Variants in CDYL observed in about 807,000 individuals in gnomAD.
CDYL encodes chromodomain Y like, also known as chromodomain Y-like protein.
Under a neutral mutation model 47.3 loss-of-function variants are expected in CDYL, and 8 were observed. That is an observed-to-expected ratio of 0.17 (90% confidence interval 0.10 to 0.31). The LOEUF (loss-of-function observed/expected upper bound fraction) is 0.31, where lower values mean the gene tolerates loss of function less well. Ranked by LOEUF, CDYL falls within the 10% of genes least tolerant of loss-of-function variation. CDYL has a pLI of 1.00. For missense variants in CDYL, 471 were observed against 701.4 expected, an observed-to-expected ratio of 0.67 and a Z score of 3.71; for synonymous variants, 266 against 265.0, an observed-to-expected ratio of 1.00 and a Z score of -0.04.
intron 2 of CDYL, among the ~76,000 whole-genome samples, chr6:4,915,124 C>T (rs1432986308): frequency 6.6e-6 from 1 of 152,212 alleles, no homozygotes; most frequent in East Asian, 1.9e-4. Context: ...CAGCAGATGC[C>T]CCACTGTTTA....
At chr6:4,729,677 G>A (rs1757571543) in intron 2 of CDYL, among the ~76,000 whole-genome samples, 1 of 152,214 alleles carries the variant, frequency 6.6e-6, no homozygotes, top group Non-Finnish European at 1.5e-5. Context: ...CAGCACTTTG[G>A]GAGGCCAAGG....
intron 2 of CDYL, among the ~76,000 whole-genome samples, chr6:4,920,317 A>G (rs892448716): frequency 2.0e-5 from 3 of 152,208 alleles, no homozygotes; most frequent in Non-Finnish European, 4.4e-5. Context: ...GGTAAATTGT[A>G]TGCTCTGTGC....
intron 2 of CDYL, among the ~76,000 whole-genome samples, chr6:4,929,609 C>T (rs1054603941): frequency 6.6e-5 from 10 of 151,876 alleles, no homozygotes; most frequent in South Asian, 2.1e-4. Flanking sequence ...TCAGGTTCAT[C>T]GTTTTTTCTG....
At chr6:4,827,442 A>G (rs1760010337) in intron 1 of CDYL, among the ~76,000 whole-genome samples, 1 of 151,906 alleles carries the variant, frequency 6.6e-6, no homozygotes, top group Non-Finnish European at 1.5e-5. Flanking sequence ...TTTCCTTTTG[A>G]ATATATAGCT....
intron 2 of CDYL, among the ~76,000 whole-genome samples, chr6:4,932,058 G>A (rs182047682): frequency 7.2e-5 from 11 of 152,302 alleles, no homozygotes; most frequent in African/African-American, 9.6e-5. Context: ...TGACCTTTAC[G>A]TAGAGAAAGG....
chr6:4,715,965 C>T (rs1757250170), intron 2 of CDYL: 8 of 1,534,098 alleles, frequency 5.2e-6, no homozygotes, highest in South Asian at 1.2e-5. Context: ...AATGATTTTA[C>T]TGGCCGGGCA....
chr6:4,749,133 G>A (rs539708119), intron 3 of CDYL, among the ~76,000 whole-genome samples: 1 of 152,280 alleles, frequency 6.6e-6, no homozygotes, highest in South Asian at 2.1e-4. Flanking sequence ...CTCAAAAACT[G>A]GGGGGAAAAA....
intron 3 of CDYL, among the ~76,000 whole-genome samples, chr6:4,752,904 G>T (rs1329189168): frequency 1.3e-5 from 2 of 150,736 alleles, no homozygotes; most frequent in African/African-American, 4.9e-5. Flanking sequence ...AGGTATGTAG[G>T]TAGGTAGATA....
chr6:4,791,741 T>C (rs774363186), intron 1 of CDYL, among the ~76,000 whole-genome samples: 5 of 151,392 alleles, frequency 3.3e-5, no homozygotes, highest in Non-Finnish European at 5.9e-5. Flanking sequence ...CCTACCACCC[T>C]GGTCTAACTA....
chr6:4,812,216 T>C (rs1379089270), intron 1 of CDYL, among the ~76,000 whole-genome samples: 1 of 152,238 alleles, frequency 6.6e-6, no homozygotes, highest in African/African-American at 2.4e-5. Flanking sequence ...CAAGATGCCC[T>C]AGATACCTCT....
At position 4,728,803 on chromosome 6, in the gene CDYL, C is replaced by T. The variant is rs1757556742; in HGVS notation, c.104-5959C>T. 1.3e-5 allele frequency among the ~76,000 whole-genome samples: 2 copies of T among 152,178 alleles called. 1 individual carries two copies. Among genetic ancestry groups the T allele is most frequent in the South Asian group, 4.1e-4 (2 of 4,828 alleles). ...TCAGAGCCCTTTCTGTGCACTTTGC[C>T]ATATTGTGCCCACTCCGGTTCTCAA... On this transcript the variant is annotated intron_variant, in intron 2 of 8. Coordinates refer to the CDYL transcript ENST00000328908.
intron 1 of CDYL, among the ~76,000 whole-genome samples, chr6:4,796,687 A>G (rs1244050909): frequency 6.6e-6 from 1 of 152,140 alleles, no homozygotes. Flanking sequence ...CTAGTTTTGG[A>G]TAGTATTTAC....
intron 2 of CDYL, among the ~76,000 whole-genome samples, chr6:4,733,635 CT>C (rs1757649089): frequency 6.6e-6 from 1 of 152,076 alleles, no homozygotes; most frequent in African/African-American, 2.4e-5. Context: ...TTAAGAGAAA[CT>C]TCATTCTGGT....
At chr6:4,925,878 C>T (rs1757859257) in intron 2 of CDYL, among the ~76,000 whole-genome samples, 1 of 152,172 alleles carries the variant, frequency 6.6e-6, no homozygotes, top group South Asian at 2.1e-4. Flanking sequence ...AATAGCCCGG[C>T]AGGAGCTATT....
At chr6:4,798,363 A>G (rs6910368) in intron 1 of CDYL, among the ~76,000 whole-genome samples, 18,640 of 152,190 alleles carry the variant, frequency 0.12, 1,223 homozygotes, top group African/African-American at 0.17. Flanking sequence ...TGTCACTAGT[A>G]ATGACATTTT....
At chr6:4,846,198 AAG>A (rs1491303390) in intron 1 of CDYL, among the ~76,000 whole-genome samples, 89 of 151,704 alleles carry the variant, frequency 5.9e-4, no homozygotes, top group African/African-American at 2.0e-3. Context: ...AAAAAAAAAA[AAG>A]GTGGATATGG....
chr6:4,952,466 CAG>C (rs1303269749), intron 6 of CDYL, 57 bp downstream of exon 6: 3 of 1,551,940 alleles, frequency 1.9e-6, no homozygotes, highest in East Asian at 4.6e-5. Flanking sequence ...ACTTTTCCCT[CAG>C]AGAGCTCACA....
intron 1 of CDYL, chr6:4,836,250 C>A (rs1022120412): frequency 1.7e-5 from 17 of 985,360 alleles, no homozygotes; most frequent in African/African-American, 3.5e-5. Context: ...GTTTCTAAGT[C>A]AGCCACAAAT....
At chr6:4,923,827 G>T (rs1757788369) in intron 2 of CDYL, among the ~76,000 whole-genome samples, 1 of 151,502 alleles carries the variant, frequency 6.6e-6, no homozygotes, top group Non-Finnish European at 1.5e-5. Context: ...CGTGAACCCG[G>T]GAGGCGGAGC....
Sources: allele counts gnomAD v4.1 joint callset (sites outside exome capture counted in the v4.1 genomes callset), GRCh38; gene constraint gnomAD v4.1.1; transcripts MANE v1.5; gene names NCBI Gene and HGNC (gene_info 2026-07-23, HGNC 2026-07-21).